NTM: variants seen among roughly 807,000 people sequenced by gnomAD.
NTM encodes the protein IgLON family member 2.
Under a neutral mutation model 42.1 loss-of-function variants are expected in NTM, and 13 were observed. That is an observed-to-expected ratio of 0.31 (90% CI 0.20 to 0.49). NTM has a LOEUF of 0.49. NTM is among the 20% of genes least tolerant of loss of function. The probability of loss-of-function intolerance (pLI) is 0.99; values close to 1 mark genes in which losing one functional copy is unlikely to be tolerated. For missense variants in NTM, 373 were observed against 452.8 expected, an observed-to-expected ratio of 0.82 and a Z score of 1.60; for synonymous variants, 187 against 179.2, an observed-to-expected ratio of 1.04 and a Z score of -0.35.
At chr11:131,505,966 T>A (rs2047439050) in intron 1 of NTM, among the ~76,000 whole-genome samples, 2 of 152,140 alleles carry the variant, frequency 1.3e-5, no homozygotes, top group African/African-American at 2.4e-5. Context: ...TGCCCTTTTG[T>A]CTCGTTGGTG....
At chr11:132,216,952 C>T (rs928852903) in intron 4 of NTM, among the ~76,000 whole-genome samples, 13 of 152,192 alleles carry the variant, frequency 8.5e-5, no homozygotes, top group Admixed American at 1.3e-4. Context: ...TGTGGCAGGA[C>T]TCAACTTGTC....
intron 1 of NTM, among the ~76,000 whole-genome samples, chr11:131,657,927 G>A (rs1394354138): frequency 6.6e-6 from 1 of 152,190 alleles, no homozygotes; most frequent in African/African-American, 2.4e-5. Context: ...AAGCTGTTGA[G>A]TATGAGGGGA....
intron 1 of NTM, among the ~76,000 whole-genome samples, chr11:131,561,474 G>A (rs768700066): frequency 2.0e-5 from 3 of 152,144 alleles, no homozygotes; most frequent in Non-Finnish European, 4.4e-5. Context: ...TTGTATCCAT[G>A]AAGAAGACAG....
chr11:132,101,891 C>G (rs2061671454), intron 2 of NTM, among the ~76,000 whole-genome samples: 1 of 152,180 alleles, frequency 6.6e-6, no homozygotes, highest in Non-Finnish European at 1.5e-5. Context: ...TATTATAGTC[C>G]TTGACTGTTT....
rs2070423301 is a variant in NTM at position 132,146,384 on chromosome 11, T to G, written c.270T>G (p.Leu90=). The G allele has an allele frequency of 6.2e-7, 1 of 1,614,044 alleles. No homozygotes were observed. The highest frequency in any genetic ancestry group is 8.5e-7 in the Non-Finnish European group (1 of 1,180,034). The change falls in exon 3 of 9, where the codon CTT becomes CTG. Residue 90 remains leucine (L), a synonymous_variant. Transcript: ENST00000683400. The surrounding 1 kb of genome is among the most constrained non-coding windows in gnomAD (Gnocchi z 4.5). ...GGTGCCTGGATCCTCGCGTGGTCCTTCTGAGCAACACCCAAACGCAGTACA... is the reference window on the plus strand; with the variant it reads ...GGTGCCTGGATCCTCGCGTGGTCCTGCTGAGCAACACCCAAACGCAGTACA... The part of the protein sequence containing the change: ...DKWCLDPRVV[L]LSNTQTQYSI...
intron 2 of NTM, among the ~76,000 whole-genome samples, chr11:132,031,385 G>T (rs1372649663): frequency 1.3e-5 from 2 of 152,328 alleles, no homozygotes; most frequent in Non-Finnish European, 2.9e-5. Context: ...AAGAAGACCA[G>T]TAAGGAGACT....
At chr11:132,171,627 T>C (rs1307668523) in intron 3 of NTM, among the ~76,000 whole-genome samples, 2 of 152,222 alleles carry the variant, frequency 1.3e-5, no homozygotes, top group Non-Finnish European at 2.9e-5. Flanking sequence ...GACATTAACA[T>C]TCATTCCATT....
chr11:132,193,726 G>C (rs2079688145), intron 3 of NTM, among the ~76,000 whole-genome samples: 1 of 151,342 alleles, frequency 6.6e-6, no homozygotes, highest in South Asian at 2.1e-4. Flanking sequence ...AAAACTAAAA[G>C]TTAAGATTAT....
At chr11:131,817,996 A>G (rs562450143) in intron 1 of NTM, among the ~76,000 whole-genome samples, 1 of 152,186 alleles carries the variant, frequency 6.6e-6, no homozygotes, top group East Asian at 1.9e-4. Flanking sequence ...TTTCACCAGC[A>G]ACAACACTGA....
At chr11:131,568,298 CA>C (rs1338639515) in intron 1 of NTM, among the ~76,000 whole-genome samples, 1 of 152,206 alleles carries the variant, frequency 6.6e-6, no homozygotes, top group African/African-American at 2.4e-5. Flanking sequence ...AGTCCTCTTG[CA>C]AGACAGTGAA....
chr11:131,809,116 G>A (rs1048236225), intron 1 of NTM, among the ~76,000 whole-genome samples: 1 of 152,236 alleles, frequency 6.6e-6, no homozygotes, highest in African/African-American at 2.4e-5. Flanking sequence ...CAAGATGTGT[G>A]CAGAGAGAGA....
intron 1 of NTM, among the ~76,000 whole-genome samples, chr11:131,607,359 T>TTTTG (rs1470943388): frequency 6.6e-6 from 1 of 152,130 alleles, no homozygotes; most frequent in Non-Finnish European, 1.5e-5. Flanking sequence ...CTGTGCTGTG[T>TTTTG]TTTGTTTGTT....
Position 131,662,271 on chromosome 11 carries a change from C to T in NTM, c.83-249293C>T, listed in dbSNP as rs567773027. ...TCCCCCTCTAAATTAGGAAAAGTGTCACCATATGTTGAAAATCACAAAGCA... is the reference window on the plus strand; with the variant it reads ...TCCCCCTCTAAATTAGGAAAAGTGTTACCATATGTTGAAAATCACAAAGCA... On this transcript the variant is annotated intron_variant, in intron 1 of 8. Coordinates refer to ENST00000683400, the MANE Select transcript of NTM (RefSeq NM_001352005.2). 8 of 152,344 alleles carry T rather than the reference C, an allele frequency of 5.3e-5. No individual in the cohort carries two copies. The South Asian group carries it at 1.2e-3, about 24-fold the overall frequency. The allele number at this position is 152,344 out of a possible 1,614,324, so 9.4% of individuals were successfully genotyped here.
Position 131,505,716 on chromosome 11 carries a change from G to A in NTM, c.82+134828G>A, listed in dbSNP as rs115744630. Among the ~76,000 whole-genome samples, 900 of 152,266 alleles carry A rather than the reference G, an allele frequency of 5.9e-3. 8 individuals carry two copies. Among genetic ancestry groups the A allele is most frequent in the African/African-American group, 0.021 (856 of 41,560 alleles). ...CTCACACCCACGGAAAGGACACGGT[G>A]GCCACTCAGCAGGTTCGGAGCCCAT... On this transcript the variant is annotated intron_variant, in intron 1 of 8. Coordinates refer to ENST00000683400, the MANE Select transcript of NTM (RefSeq NM_001352005.2).
rs181985758 is a variant in NTM at position 132,124,634 on chromosome 11, C to T, written c.168-21648C>T. 7.2e-5 allele frequency among the ~76,000 whole-genome samples: 11 copies of T among 152,164 alleles called. No homozygotes were observed. The East Asian group carries it at 1.7e-3, about 24-fold the overall frequency. ...ACGTGTGTGTGTGTGCGCGCGCACG[C>T]GCAGGGCGGGGTTGCTTGGGTAATT... On this transcript the variant is annotated intron_variant, in intron 2 of 8. Coordinates refer to ENST00000683400, the MANE Select transcript of NTM (RefSeq NM_001352005.2).
At chr11:131,502,089 CAG>C (rs1227030585) in intron 1 of NTM, among the ~76,000 whole-genome samples, 1 of 152,094 alleles carries the variant, frequency 6.6e-6, no homozygotes, top group Non-Finnish European at 1.5e-5. Flanking sequence ...TGAGTGCTCA[CAG>C]AGAGAGTGTG....
intron 2 of NTM, among the ~76,000 whole-genome samples, chr11:131,911,932 G>C (rs1377877603): frequency 6.6e-6 from 1 of 152,036 alleles, no homozygotes; most frequent in Non-Finnish European, 1.5e-5. Context: ...CGCCGAGATT[G>C]AGGGACTTGT....
chr11:131,740,333 T>A (rs1401613904), intron 1 of NTM, among the ~76,000 whole-genome samples: 1 of 152,194 alleles, frequency 6.6e-6, no homozygotes, highest in African/African-American at 2.4e-5. Flanking sequence ...ATGGAGCACA[T>A]AAGGAGTCTA....
intron 1 of NTM, among the ~76,000 whole-genome samples, chr11:131,532,267 T>C (rs2051396043): frequency 2.0e-5 from 3 of 152,186 alleles, no homozygotes; most frequent in Admixed American, 2.0e-4. Flanking sequence ...CTGGTAACTT[T>C]CTGTTTCTCT....
Sources: gnomAD v4.1 joint callset for allele counts (sites outside exome capture counted in the v4.1 genomes callset) on GRCh38, gnomAD v4.1.1 for gene constraint, Gnocchi (gnomAD v3.1) non-coding constraint, MANE v1.5 for transcripts, NCBI Gene and HGNC (gene_info 2026-07-23, HGNC 2026-07-21) for gene names.